LRMDA: variants seen among roughly 807,000 people sequenced by gnomAD.
LRMDA encodes leucine-rich melanocyte differentiation-associated protein.
Under a neutral mutation model 29.8 loss-of-function variants are expected in LRMDA, and 18 were observed. The ratio of observed to expected loss-of-function variants is 0.60; its 90% confidence interval spans 0.42 to 0.90. The LOEUF (loss-of-function observed/expected upper bound fraction) is 0.90. Ranked by LOEUF, LRMDA falls within the 40% of genes least tolerant of loss-of-function variation. The pLI is 0.00. For missense variants in LRMDA, 273 were observed against 273.9 expected, an observed-to-expected ratio of 1.00 and a Z score of 0.02; for synonymous variants, 125 against 109.4, an observed-to-expected ratio of 1.14 and a Z score of -0.89.
At chr10:75,548,296 G>A (rs946928177) in intron 2 of LRMDA, among the ~76,000 whole-genome samples, 1 of 152,158 alleles carries the variant, frequency 6.6e-6, no homozygotes, top group Non-Finnish European at 1.5e-5. Context: ...ATAGTGTCCA[G>A]TATTGACTTC....
rs558730563 is a variant in LRMDA, at chr10:75,885,580, A to G, written c.132-150428A>G. Among the ~76,000 whole-genome samples the G allele has an allele frequency of 3.3e-5, 5 of 152,298 alleles. No individual in the cohort carries two copies. In the East Asian group the frequency reaches 9.7e-4, roughly 29 times the overall value. ...TGTGGAAATGGAAGTGATGGCTTAT[A>G]CTTTGGCTCTTCACCCACCTGAAAG... is the stretch of plus-strand genomic sequence containing the variant. On this transcript the variant is annotated intron_variant, in intron 2 of 6. Coordinates refer to ENST00000611255, the MANE Select transcript of LRMDA (RefSeq NM_001305581.2).
intron 5 of LRMDA, among the ~76,000 whole-genome samples, chr10:76,072,712 C>T (rs181183093): frequency 6.6e-5 from 10 of 152,290 alleles, no homozygotes; most frequent in African/African-American, 2.4e-4. Flanking sequence ...TCCTGGTGGC[C>T]ACTGCTACTT....
chr10:76,261,003 T>C (rs1384159225), intron 5 of LRMDA: 2 of 152,116 alleles, frequency 1.3e-5, no homozygotes, highest in East Asian at 1.9e-4. Context: ...TTCCAATAGT[T>C]CAAGACAAAA....
chr10:75,449,554 G>T (rs1296581777), intron 2 of LRMDA, among the ~76,000 whole-genome samples: 1 of 147,770 alleles, frequency 6.8e-6, no homozygotes, highest in African/African-American at 2.5e-5. Context: ...AATCATTAAA[G>T]CCTGTGGAAG....
chr10:76,542,874 T>G (rs547005369), intron 6 of LRMDA, among the ~76,000 whole-genome samples: 1 of 152,282 alleles, frequency 6.6e-6, no homozygotes, highest in Admixed American at 6.5e-5. Context: ...GATTAATTTG[T>G]TTTTTCCTGA....
At chr10:76,052,562 A>G (rs2132047409) in intron 4 of LRMDA, among the ~76,000 whole-genome samples, 1 of 152,148 alleles carries the variant, frequency 6.6e-6, no homozygotes, top group Non-Finnish European at 1.5e-5. Context: ...TTGATTTTGG[A>G]AAGAAAGAAA....
At chr10:76,091,157 T>C (rs937020612) in intron 5 of LRMDA, among the ~76,000 whole-genome samples, 12 of 152,154 alleles carry the variant, frequency 7.9e-5, no homozygotes, top group Admixed American at 1.3e-4. Context: ...AAATAATATC[T>C]GCTGTAAGGG....
At chr10:76,366,594 A>G (rs958577770) in intron 6 of LRMDA, among the ~76,000 whole-genome samples, 3 of 152,196 alleles carry the variant, frequency 2.0e-5, no homozygotes, top group Non-Finnish European at 2.9e-5. Flanking sequence ...ATTTATGTAC[A>G]TTAATCTTGT....
At chr10:76,281,504 C>T (rs1840204177) in intron 5 of LRMDA, among the ~76,000 whole-genome samples, 1 of 152,090 alleles carries the variant, frequency 6.6e-6, no homozygotes, top group African/African-American at 2.4e-5. Flanking sequence ...TCACTGTTAG[C>T]AGTCAGATCT....
chr10:76,146,958 A>T (rs1230431974), intron 5 of LRMDA, among the ~76,000 whole-genome samples: 3 of 152,172 alleles, frequency 2.0e-5, no homozygotes, highest in African/African-American at 7.2e-5. Flanking sequence ...TTAGTTTGGC[A>T]GGATATGAAA....
intron 2 of LRMDA, among the ~76,000 whole-genome samples, chr10:75,994,349 T>A (rs948353491): frequency 2.0e-5 from 3 of 152,128 alleles, no homozygotes; most frequent in Admixed American, 2.0e-4. Context: ...ATATGAAAGG[T>A]GAACAGAGGC....
intron 2 of LRMDA, among the ~76,000 whole-genome samples, chr10:75,871,796 A>G (rs993707730): frequency 2.0e-5 from 3 of 152,092 alleles, no homozygotes; most frequent in Admixed American, 2.0e-4. Context: ...TATCTTACTA[A>G]TTTTATCTTC....
chr10:76,532,036 C>A (rs1465320002), intron 6 of LRMDA, among the ~76,000 whole-genome samples: 1 of 152,102 alleles, frequency 6.6e-6, no homozygotes, highest in Non-Finnish European at 1.5e-5. Context: ...ACACCTCCTT[C>A]AAACCTCTAC....
At chr10:75,946,544 T>C (rs1442899253) in intron 2 of LRMDA, among the ~76,000 whole-genome samples, 1 of 152,164 alleles carries the variant, frequency 6.6e-6, no homozygotes, top group Non-Finnish European at 1.5e-5. Flanking sequence ...GATTTGTGGG[T>C]GTGTGAAAGG....
intron 2 of LRMDA, among the ~76,000 whole-genome samples, chr10:75,609,464 A>G (rs1322338644): frequency 6.6e-6 from 1 of 152,200 alleles, no homozygotes; most frequent in Non-Finnish European, 1.5e-5. Context: ...TGGCCTTCCT[A>G]GTGGTCAATC....
chr10:76,234,331 G>A (rs1000771827), intron 5 of LRMDA, among the ~76,000 whole-genome samples: 2 of 152,090 alleles, frequency 1.3e-5, no homozygotes, highest in Non-Finnish European at 2.9e-5. Context: ...TGCTGTGAAC[G>A]GATGTGCTGT....
At chr10:75,472,665 G>T (rs923660818) in intron 2 of LRMDA, among the ~76,000 whole-genome samples, 3 of 152,196 alleles carry the variant, frequency 2.0e-5, no homozygotes, top group Non-Finnish European at 2.9e-5. Context: ...GCTGAATCAG[G>T]ACAGAAAAAT....
chr10:75,964,651 A>G (rs1301593773), intron 2 of LRMDA, among the ~76,000 whole-genome samples: 3 of 152,246 alleles, frequency 2.0e-5, no homozygotes, highest in African/African-American at 7.2e-5. Flanking sequence ...ACATGCACAG[A>G]GAAGGTTCTC....
At position 76,267,547 on chromosome 10, in the gene LRMDA, T is replaced by C. The variant is rs555935779; in HGVS notation, c.517-56854T>C. Among the ~76,000 whole-genome samples, 5 of 152,314 alleles carry C rather than the reference T, an allele frequency of 3.3e-5. No homozygotes were observed. In the South Asian group the frequency reaches 1.0e-3, roughly 32 times the overall value. On this transcript the variant is annotated intron_variant, in intron 5 of 6. Transcript: ENST00000611255. ...TGCCTCTATGAATTTGCCTGTCTGC[T>C]TCATGTAAGTGGAATCATGCAATAT...
Sources: gnomAD v4.1 joint callset for allele counts (sites outside exome capture counted in the v4.1 genomes callset) on GRCh38, gnomAD v4.1.1 for gene constraint, MANE v1.5 for transcripts, NCBI Gene and HGNC (gene_info 2026-07-23, HGNC 2026-07-21) for gene names.